PLCL1: variants seen among roughly 807,000 people sequenced by gnomAD.
PLCL1 encodes the protein phospholipase C like 1 (inactive).
PLCL1 carries 41 observed loss-of-function variants against 84.4 expected under a neutral mutation model. That is an observed-to-expected ratio of 0.49 (90% CI 0.38 to 0.63). The LOEUF is 0.63. Ranked by LOEUF, PLCL1 falls within the 30% of genes least tolerant of loss-of-function variation. The pLI is 0.00. For synonymous variants in PLCL1, 490 were observed against 488.3 expected, an observed-to-expected ratio of 1.00 and a Z score of -0.05; for missense variants, 1,206 against 1,367.8, an observed-to-expected ratio of 0.88 and a Z score of 1.87.
intron 1 of PLCL1, among the ~76,000 whole-genome samples, chr2:197,928,254 C>T (rs1283440354): frequency 6.6e-6 from 1 of 152,148 alleles, no homozygotes; most frequent in Non-Finnish European, 1.5e-5. Flanking sequence ...TTTATATAAT[C>T]ACTCAACATG....
intron 1 of PLCL1, among the ~76,000 whole-genome samples, chr2:197,876,050 A>G (rs966419168): frequency 2.0e-5 from 3 of 152,218 alleles, no homozygotes; most frequent in Non-Finnish European, 4.4e-5. Flanking sequence ...AAAGATTTCC[A>G]TGAACACGAA....
chr2:198,018,833 C>T (rs572204561), intron 1 of PLCL1, among the ~76,000 whole-genome samples: 5 of 152,332 alleles, frequency 3.3e-5, no homozygotes, highest in East Asian at 1.9e-4. Context: ...TCCTGCCTAA[C>T]GGCTCTAAAG....
chr2:198,121,500 G>A (rs981913402), intron 5 of PLCL1, among the ~76,000 whole-genome samples: 4 of 152,036 alleles, frequency 2.6e-5, no homozygotes, highest in African/African-American at 9.7e-5. Context: ...GAGAGATAGG[G>A]ATCTAGTTTC....
intron 1 of PLCL1, among the ~76,000 whole-genome samples, chr2:197,877,539 A>G (rs1226067858): frequency 6.6e-6 from 1 of 152,138 alleles, no homozygotes; most frequent in African/African-American, 2.4e-5. Flanking sequence ...TGGAAAGGAA[A>G]AAGCACTTAT....
At chr2:197,953,983 A>G (rs1689439851) in intron 1 of PLCL1, among the ~76,000 whole-genome samples, 1 of 152,132 alleles carries the variant, frequency 6.6e-6, no homozygotes, top group Non-Finnish European at 1.5e-5. Context: ...CCATGATGGG[A>G]CAGAACTGAA....
intron 1 of PLCL1, among the ~76,000 whole-genome samples, chr2:197,943,627 C>CTT (rs5837573): frequency 0.011 from 1,292 of 119,008 alleles, 15 homozygotes; most frequent in African/African-American, 0.026. Context: ...TTGGTTACAT[C>CTT]TTTTTTTTTT....
intron 1 of PLCL1, among the ~76,000 whole-genome samples, chr2:197,921,999 C>CT (rs34033380): frequency 0.049 from 5,931 of 121,556 alleles, 302 homozygotes; most frequent in African/African-American, 0.14. Context: ...TTGATAAATT[C>CT]TTTTTTTTTT....
chr2:198,128,757 G>T (rs1373349525), intron 5 of PLCL1, among the ~76,000 whole-genome samples: 1 of 152,140 alleles, frequency 6.6e-6, no homozygotes, highest in Admixed American at 6.6e-5. Context: ...TTAGGAAAGG[G>T]ATGTTATTGT....
At chr2:197,857,425 C>T (rs559569751) in intron 1 of PLCL1, among the ~76,000 whole-genome samples, 1 of 152,248 alleles carries the variant, frequency 6.6e-6, no homozygotes, top group East Asian at 1.9e-4. Flanking sequence ...CTCTGATAGG[C>T]ATAGGTACAC....
At chr2:197,873,285 C>T (rs894084276) in intron 1 of PLCL1, among the ~76,000 whole-genome samples, 2 of 151,894 alleles carry the variant, frequency 1.3e-5, no homozygotes. Context: ...AGGTGGGAGC[C>T]TGCAGGCACG....
rs1018396648 is a variant in PLCL1, at chr2:198,146,819, A to G, written c.3145A>G (p.Ile1049Val). The G allele has an allele frequency of 1.2e-6, 2 of 1,613,324 alleles. No homozygotes were observed. Among genetic ancestry groups the G allele is most frequent in the African/African-American group, 2.7e-5 (2 of 74,912 alleles). Residue 1049 changes from isoleucine to valine, a missense_variant, in exon 6 of 6, where the codon ATA becomes GTA. Ile to Val is a conservative substitution (Grantham distance 29). Coordinates refer to ENST00000428675, the MANE Select transcript of PLCL1 (RefSeq NM_006226.4). ...DLLKNAKNEA[I>V]ENMKQIQLAC... The stretch of plus-strand genomic sequence containing the variant: ...GTTGAAGAATGCCAAGAATGAAGCT[A>G]TAGAAAACATGAAGCAGATCCAGCT...
At chr2:198,133,175 A>T (rs1459748607) in intron 5 of PLCL1, among the ~76,000 whole-genome samples, 4 of 152,000 alleles carry the variant, frequency 2.6e-5, no homozygotes, top group Non-Finnish European at 5.9e-5. Context: ...GCACATATAC[A>T]CCATGGAATA....
At chr2:197,950,407 T>A (rs1158013384) in intron 1 of PLCL1, among the ~76,000 whole-genome samples, 3 of 152,160 alleles carry the variant, frequency 2.0e-5, no homozygotes, top group Non-Finnish European at 4.4e-5. Flanking sequence ...CAGACATGAC[T>A]AATATTCAGG....
At chr2:197,915,817 TGA>T (rs1427011723) in intron 1 of PLCL1, among the ~76,000 whole-genome samples, 3 of 152,200 alleles carry the variant, frequency 2.0e-5, no homozygotes, top group Non-Finnish European at 4.4e-5. Context: ...ATGCGAAGGC[TGA>T]GAGAGATACA....
intron 2 of PLCL1, 97 bp downstream of exon 2, chr2:198,086,329 G>C (rs1692880676): frequency 1.2e-6 from 1 of 865,870 alleles, no homozygotes; most frequent in South Asian, 1.8e-5. Flanking sequence ...TTATCAGAAA[G>C]ATTGTTTAAG....
At chr2:198,056,981 C>T (rs767008653) in intron 1 of PLCL1, among the ~76,000 whole-genome samples, 5 of 152,124 alleles carry the variant, frequency 3.3e-5, no homozygotes, top group African/African-American at 4.8e-5. Flanking sequence ...GGATATAGCA[C>T]ATTTTGAGCT....
rs1391665696 is a variant in PLCL1, at chr2:198,084,810, C to T, written c.1293C>T (p.Tyr431=). ...QFRGPADING[Y]IRALKMGCRS... is the part of the protein sequence containing the mutation. ...GGGGGCCAGCTGACATCAATGGGTA[C>T]ATTAGAGCTTTGAAAATGGGCTGTC... is the stretch of plus-strand genomic sequence containing the variant. The change falls in exon 2 of 6, where the codon TAC becomes TAT. Residue 431 remains tyrosine (Y), a synonymous_variant. Coordinates refer to ENST00000428675, the MANE Select transcript of PLCL1 (RefSeq NM_006226.4). 3 of 1,613,958 alleles carry T rather than the reference C, an allele frequency of 1.9e-6. No homozygotes were observed. The highest frequency in any genetic ancestry group is 2.2e-5 in the East Asian group (1 of 44,876).
intron 1 of PLCL1, among the ~76,000 whole-genome samples, chr2:197,937,866 C>T (rs904038119): frequency 1.4e-4 from 21 of 152,028 alleles, no homozygotes; most frequent in African/African-American, 4.8e-4. Flanking sequence ...ATTTTTTTTC[C>T]ATGTACAGGA....
At position 197,805,291 on chromosome 2, in the gene PLCL1, C is replaced by A. The variant is rs2106411921; in HGVS notation, c.192C>A (p.Gly64=). ...GGACCCCAGCGGACAGCGAGGCGGG[C>A]CTCCTGGAGGCAGCACGGGCGACCC... ...AAGTPADSEA[G]LLEAARATPR... is the part of the protein sequence containing the mutation. The change falls in exon 1 of 6, where the codon GGC becomes GGA. Residue 64 remains glycine (G), a synonymous_variant. Transcript: ENST00000428675. The surrounding 1 kb of genome is among the most constrained non-coding windows in gnomAD (Gnocchi z 4.0). 2 of 1,291,164 alleles carry A rather than the reference C, an allele frequency of 1.5e-6. No homozygotes were observed. The highest frequency in any genetic ancestry group is 3.1e-5 in the East Asian group (1 of 32,018). 80.0% of individuals were successfully genotyped at this position (1,291,164 alleles called of 1,614,324 possible).
Sources: allele counts gnomAD v4.1 joint callset (sites outside exome capture counted in the v4.1 genomes callset), GRCh38; gene constraint gnomAD v4.1.1; non-coding constraint Gnocchi (gnomAD v3.1); transcripts MANE v1.5; gene names NCBI Gene and HGNC (gene_info 2026-07-23, HGNC 2026-07-21).